Variants in PARD3 observed in about 807,000 individuals in gnomAD.
PARD3 encodes the protein par-3 family cell polarity regulator.
In PARD3, 75 loss-of-function variants were observed where a neutral mutation model predicts 155.4. The observed-to-expected ratio is 0.48, with a 90% CI of 0.40 to 0.58. The LOEUF is 0.58. Among genes scored for constraint, PARD3 ranks in the 20% least tolerant of loss-of-function variants. The pLI is 0.00. For missense variants in PARD3, 1,642 were observed against 1,721.7 expected (o/e 0.95, Z 0.82); for synonymous variants, 576 against 610.5 (o/e 0.94, Z 0.83).
At chr10:34,316,225 T>G (rs537626567) in intron 20 of PARD3, among the ~76,000 whole-genome samples, 1 of 152,362 alleles carries the variant, frequency 6.6e-6, no homozygotes, top group East Asian at 1.9e-4. Context: ...CACCTTGATA[T>G]GTTTAGGGGT....
At chr10:34,778,783 C>A (rs1839899311) in intron 1 of PARD3, among the ~76,000 whole-genome samples, 1 of 151,028 alleles carries the variant, frequency 6.6e-6, no homozygotes. Context: ...AAGAGCTTGC[C>A]AAAAAAAAGA....
At chr10:34,503,749 T>G (rs2080867110) in intron 3 of PARD3, among the ~76,000 whole-genome samples, 1 of 151,922 alleles carries the variant, frequency 6.6e-6, no homozygotes, top group Non-Finnish European at 1.5e-5. Context: ...GGGTAGAAAA[T>G]TTAAGGTGCA....
At chr10:34,309,548 C>CAAAAAAAAAAAAAAAAAAA (rs1173904388) in intron 20 of PARD3, among the ~76,000 whole-genome samples, 4 of 64,032 alleles carry the variant, frequency 6.2e-5, no homozygotes, top group East Asian at 7.7e-4. Flanking sequence ...ACCCTGTCTC[C>CAAAAAAAAAAAAAAAAAAA]AAAAAAAAAA....
At chr10:34,225,247 G>A (rs1339652654) in intron 22 of PARD3, among the ~76,000 whole-genome samples, 1 of 152,152 alleles carries the variant, frequency 6.6e-6, no homozygotes, top group African/African-American at 2.4e-5. Flanking sequence ...TCAGAGTGGA[G>A]AAGAGAGGAC....
At chr10:34,274,583 C>A (rs1955785999) in intron 21 of PARD3, among the ~76,000 whole-genome samples, 1 of 152,024 alleles carries the variant, frequency 6.6e-6, no homozygotes, top group Admixed American at 6.6e-5. Context: ...TAGGTAATAT[C>A]CAGGGTAACT....
intron 22 of PARD3, among the ~76,000 whole-genome samples, chr10:34,154,840 G>A (rs1488720221): frequency 3.3e-5 from 5 of 152,136 alleles, no homozygotes; most frequent in African/African-American, 1.2e-4. Flanking sequence ...TGGGAAGACT[G>A]ATTGAGACTT....
intron 19 of PARD3, among the ~76,000 whole-genome samples, chr10:34,318,426 C>T (rs1301119844): frequency 6.6e-6 from 1 of 152,138 alleles, no homozygotes; most frequent in African/African-American, 2.4e-5. Context: ...ATCATTATTT[C>T]TGAGTTTCTT....
chr10:34,455,490 T>C (rs562430097), intron 4 of PARD3, among the ~76,000 whole-genome samples: 30 of 152,200 alleles, frequency 2.0e-4, no homozygotes, highest in Non-Finnish European at 3.8e-4. Context: ...TTAATAATGA[T>C]GGCTTAGAAT....
At chr10:34,268,940 AATAAAATAAG>A (rs1955476393) in intron 22 of PARD3, among the ~76,000 whole-genome samples, 1 of 151,328 alleles carries the variant, frequency 6.6e-6, no homozygotes, top group Non-Finnish European at 1.5e-5. Flanking sequence ...AAAATAAATA[AATAAAATAAG>A]ATAAAACACA....
At chr10:34,546,092 AAT>A (rs1300611957) in intron 2 of PARD3, among the ~76,000 whole-genome samples, 4 of 152,258 alleles carry the variant, frequency 2.6e-5, no homozygotes, top group Admixed American at 6.5e-5. Flanking sequence ...CAATAAATAA[AAT>A]ATATGTTGTA....
At chr10:34,323,186 T>G (rs1311780734) in intron 19 of PARD3, among the ~76,000 whole-genome samples, 1 of 152,146 alleles carries the variant, frequency 6.6e-6, no homozygotes, top group Non-Finnish European at 1.5e-5. Context: ...CACTTTGACT[T>G]TGGAAGAGAA....
intron 1 of PARD3, among the ~76,000 whole-genome samples, chr10:34,717,950 TCGAGAC>T (rs1196245359): frequency 6.6e-6 from 1 of 151,942 alleles, no homozygotes; most frequent in Non-Finnish European, 1.5e-5. Flanking sequence ...GCTCAGGAGT[TCGAGAC>T]CACCCTGGGC....
At chr10:34,222,931 C>G (rs937496052) in intron 22 of PARD3, among the ~76,000 whole-genome samples, 1 of 152,240 alleles carries the variant, frequency 6.6e-6, no homozygotes, top group Non-Finnish European at 1.5e-5. Flanking sequence ...CCTCTCTGGG[C>G]AGCACTCCTG....
chr10:34,197,392 T>C (rs574005766), intron 22 of PARD3, among the ~76,000 whole-genome samples: 4 of 152,132 alleles, frequency 2.6e-5, no homozygotes, highest in Non-Finnish European at 4.4e-5. Context: ...AATGAACACT[T>C]AGGACTACAC....
At chr10:34,811,243 G>C (rs998976060) in intron 1 of PARD3, among the ~76,000 whole-genome samples, 9 of 152,164 alleles carry the variant, frequency 5.9e-5, no homozygotes, top group African/African-American at 2.2e-4. Context: ...CCTACTGCAC[G>C]AAGTCTCAGG....
chr10:34,240,895 G>C (rs953143878), intron 22 of PARD3, among the ~76,000 whole-genome samples: 3 of 152,076 alleles, frequency 2.0e-5, no homozygotes, highest in African/African-American at 7.2e-5. Flanking sequence ...ACAAAGAGAC[G>C]CTCAGGGGTG....
intron 2 of PARD3, among the ~76,000 whole-genome samples, chr10:34,543,926 A>G (rs1438920588): frequency 6.6e-6 from 1 of 152,228 alleles, no homozygotes; most frequent in East Asian, 1.9e-4. Flanking sequence ...TATATTCGGT[A>G]CCTGCTCCTG....
chr10:34,792,432 C>T (rs928307152), intron 1 of PARD3, among the ~76,000 whole-genome samples: 2 of 152,312 alleles, frequency 1.3e-5, no homozygotes, highest in African/African-American at 4.8e-5. Context: ...CTCCCATTAT[C>T]AACACGTCAC....
At chr10:34,520,274 G>A (rs972983686) in intron 2 of PARD3, among the ~76,000 whole-genome samples, 10 of 152,120 alleles carry the variant, frequency 6.6e-5, no homozygotes, top group Admixed American at 5.9e-4. Context: ...ACCTGCTGAC[G>A]TATAGATAGA....
Sources: gnomAD v4.1 joint callset for allele counts (sites outside exome capture counted in the v4.1 genomes callset) on GRCh38, gnomAD v4.1.1 for gene constraint, MANE v1.5 for transcripts, NCBI Gene and HGNC (gene_info 2026-07-23, HGNC 2026-07-21) for gene names.